The following CELF2 variants were observed in gnomAD, a reference collection of about 807,000 sequenced individuals.
CELF2 encodes the protein CUG triplet repeat RNA-binding protein 2.
A neutral mutation model predicts 62.6 loss-of-function variants in CELF2; 8 were observed. That is an observed-to-expected ratio of 0.13 (90% CI 0.07 to 0.23). The LOEUF is 0.23. Among genes scored for constraint, CELF2 ranks in the 10% least tolerant of loss-of-function variants. The probability of loss-of-function intolerance (pLI) is 1.00; values close to 1 mark genes in which losing one functional copy is unlikely to be tolerated. For missense variants in CELF2, 333 were observed against 671.0 expected, an observed-to-expected ratio of 0.50 and a Z score of 5.56; for synonymous variants, 258 against 250.0, an observed-to-expected ratio of 1.03 and a Z score of -0.30.
the CELF2 span, among the ~76,000 whole-genome samples, chr10:10,671,497 G>A: frequency 8.5e-5 from 13 of 152,214 alleles, no homozygotes; most frequent in Admixed American, 2.0e-4. Context: ...ATAGTTTTGC[G>A]GGAAACTGCC....
chr10:10,923,908 T>A (rs2065165854), intron 2 of CELF2: 1 of 152,204 alleles, frequency 6.6e-6, no homozygotes, highest in African/African-American at 2.4e-5. Context: ...AAGGACAATT[T>A]AGCAATCTGA....
rs951341982 is a variant in CELF2, at chr10:11,246,714, T to C, written c.355-2439T>C. Among the ~76,000 whole-genome samples the C allele has an allele frequency of 2.6e-5, 4 of 152,200 alleles. No individual in the cohort carries two copies. Among genetic ancestry groups the C allele is most frequent in the African/African-American group, 7.2e-5 (3 of 41,436 alleles). On this transcript the variant is annotated intron_variant, in intron 3 of 12. Coordinates refer to ENST00000633077, the MANE Select transcript of CELF2 (RefSeq NM_001326342.2). This position sits in a 1 kb window ranked among gnomAD's most constrained non-coding sequence, Gnocchi z 4.6. ...CTGCTCTCCTTGGACTCCTCTTTCC[T>C]GGTATTCTCTGCAGTTCTGTCCTCG...
the CELF2 span, among the ~76,000 whole-genome samples, chr10:10,508,300 G>A: frequency 2.0e-5 from 3 of 152,208 alleles, no homozygotes; most frequent in East Asian, 5.8e-4. Context: ...CCCACTGAGT[G>A]ACTCGCAATA....
chr10:10,877,576 C>CT (rs1315280836), intron 1 of CELF2, among the ~76,000 whole-genome samples: 1 of 152,204 alleles, frequency 6.6e-6, no homozygotes, highest in Non-Finnish European at 1.5e-5. Context: ...CAGTTTTGCC[C>CT]TGAGCAGTTC....
At position 11,117,076 on chromosome 10, in the gene CELF2, T is replaced by C. The variant is rs905377140; in HGVS notation, c.75-48410T>C. Among the ~76,000 whole-genome samples, 9 of 152,190 alleles carry C rather than the reference T, an allele frequency of 5.9e-5. No homozygotes were observed. Among genetic ancestry groups the C allele is most frequent in the Admixed American group, 1.3e-4 (2 of 15,280 alleles). ...GAACCTGAGCGGTCTGGCTTCAGAA[T>C]CCACACTCAAGCCACTATGCTGTGC... On this transcript the variant is annotated intron_variant, in intron 1 of 12. Transcript: ENST00000633077. The surrounding 1 kb of genome is among the most constrained non-coding windows in gnomAD (Gnocchi z 4.1).
the CELF2 span, among the ~76,000 whole-genome samples, chr10:10,530,563 G>C: frequency 6.6e-6 from 1 of 152,184 alleles, no homozygotes; most frequent in African/African-American, 2.4e-5. Context: ...AGATGGAGTT[G>C]CTCTGGTTTG....
chr10:11,130,332 C>G (rs141077665), intron 1 of CELF2, among the ~76,000 whole-genome samples: 1 of 152,312 alleles, frequency 6.6e-6, no homozygotes, highest in African/African-American at 2.4e-5. Context: ...ATGCTAAACC[C>G]TTAGAGTCCC....
At chr10:10,463,973 ACT>A in the CELF2 span, among the ~76,000 whole-genome samples, 2 of 150,992 alleles carry the variant, frequency 1.3e-5, no homozygotes, top group Non-Finnish European at 3.0e-5. Context: ...AAAAAAAAAA[ACT>A]CCTATGGATT....
At chr10:11,102,796 C>T (rs1391917287) in intron 1 of CELF2, among the ~76,000 whole-genome samples, 1 of 152,184 alleles carries the variant, frequency 6.6e-6, no homozygotes, top group Non-Finnish European at 1.5e-5. Flanking sequence ...ACCAAGCATG[C>T]CTTGGAATCA....
At chr10:10,616,913 C>T in the CELF2 span, among the ~76,000 whole-genome samples, 5,773 of 151,848 alleles carry the variant, frequency 0.038, 323 homozygotes, top group African/African-American at 0.12. Context: ...TGCACCATTA[C>T]GCCCAGCTAA....
At chr10:10,810,316 C>G (rs1437491312) in intron 1 of CELF2, among the ~76,000 whole-genome samples, 1 of 152,152 alleles carries the variant, frequency 6.6e-6, no homozygotes, top group Non-Finnish European at 1.5e-5. Flanking sequence ...CCAACATTCA[C>G]CTGCTGAATG....
At chr10:11,119,870 C>G (rs888446414) in intron 1 of CELF2, among the ~76,000 whole-genome samples, 7 of 133,264 alleles carry the variant, frequency 5.3e-5, no homozygotes, top group Admixed American at 7.5e-5. Flanking sequence ...CGCCTCCCCC[C>G]CCCCGGCCCC....
intron 2 of CELF2, among the ~76,000 whole-genome samples, chr10:11,168,769 C>T (rs891286458): frequency 9.9e-5 from 15 of 152,092 alleles, no homozygotes; most frequent in Admixed American, 5.2e-4. Flanking sequence ...TCTGTTTAGT[C>T]GTGAGACACA....
chr10:11,067,240 T>C (rs1236849543), intron 1 of CELF2, among the ~76,000 whole-genome samples: 1 of 152,190 alleles, frequency 6.6e-6, no homozygotes, highest in Non-Finnish European at 1.5e-5. Flanking sequence ...CGTAAATGTG[T>C]ACATATTTGG....
chr10:10,831,485 T>C (rs1424121439), intron 1 of CELF2, among the ~76,000 whole-genome samples: 8 of 152,160 alleles, frequency 5.3e-5, no homozygotes, highest in Non-Finnish European at 8.8e-5. Flanking sequence ...AGAACAGGGA[T>C]GAGAATGTGA....
chr10:10,820,387 T>A (rs1021954767), intron 1 of CELF2, among the ~76,000 whole-genome samples: 2 of 152,210 alleles, frequency 1.3e-5, no homozygotes, highest in African/African-American at 4.8e-5. Flanking sequence ...TCAACTTTGA[T>A]CAATGACTTC....
At chr10:10,843,210 T>C (rs2058799689) in intron 1 of CELF2, among the ~76,000 whole-genome samples, 1 of 151,976 alleles carries the variant, frequency 6.6e-6, no homozygotes, top group Non-Finnish European at 1.5e-5. Context: ...ACAAAGAAAA[T>C]CAATATAACA....
rs956983012 is a variant in CELF2 at position 10,853,229 on chromosome 10, C to T, written c.53+54412C>T. ...CTCCTGACCTCAGGCAATCTGCCCA[C>T]CTTGGCCTCTGAAAGTGCTGGGATT... On this transcript the variant is annotated intron_variant, in intron 1 of 13. Transcript: ENST00000636488. 5.3e-5 allele frequency among the ~76,000 whole-genome samples: 8 copies of T among 152,200 alleles called. 1 individual carries two copies. The South Asian group carries it at 1.4e-3, about 28-fold the overall frequency.
chr10:10,641,514 C>A, the CELF2 span, among the ~76,000 whole-genome samples: 1 of 152,172 alleles, frequency 6.6e-6, no homozygotes, highest in African/African-American at 2.4e-5. Context: ...GGTCTCTGCT[C>A]ACTGCAATTT....
Sources: allele counts gnomAD v4.1 joint callset (sites outside exome capture counted in the v4.1 genomes callset), GRCh38; gene constraint gnomAD v4.1.1; non-coding constraint Gnocchi (gnomAD v3.1); transcripts MANE v1.5; gene names NCBI Gene and HGNC (gene_info 2026-07-23, HGNC 2026-07-21).